Variants in LUC7L2 observed in about 807,000 individuals in gnomAD.
LUC7L2 encodes LUC7 like 2, pre-mRNA splicing factor.
In LUC7L2, 25 loss-of-function variants were observed where a neutral mutation model predicts 52.8. The observed-to-expected ratio is 0.47, with a 90% CI of 0.34 to 0.66. LUC7L2 has a LOEUF of 0.66. Ranked by LOEUF, LUC7L2 falls within the 30% of genes least tolerant of loss-of-function variation. The pLI, the probability that LUC7L2 is intolerant of heterozygous loss-of-function variation, is 0.01. For missense variants in LUC7L2, 328 were observed against 497.8 expected (o/e 0.66, Z 3.25); for synonymous variants, 144 against 160.9 (o/e 0.89, Z 0.80).
rs4028268 is a variant in LUC7L2 at position 139,386,404 on chromosome 7, A to ATTTTTTT, written c.156+10260_156+10266dup. Among the ~76,000 whole-genome samples, 14 of 131,512 alleles carry ATTTTTTT rather than the reference A, an allele frequency of 1.1e-4. 1 individual carries two copies. Among genetic ancestry groups the ATTTTTTT allele is most frequent in the African/African-American group, 3.4e-4 (11 of 31,910 alleles). The allele number at this position is 131,512 out of a possible 152,430, so 86.3% of individuals were successfully genotyped here. A position where few individuals can be genotyped will look rare whatever the true frequency, so the allele number is the denominator to read the frequency against. On this transcript the variant is annotated intron_variant, in intron 2 of 9. Coordinates refer to ENST00000354926, the MANE Select transcript of LUC7L2 (RefSeq NM_016019.5). ...GAAATATTTTTCTCTGTCACTGGAA[A>ATTTTTTT]TTTTTTTTTTTTTTTTTTGAGATGG... is the stretch of plus-strand genomic sequence containing the variant.
At chr7:139,370,808 C>T (rs1347892237) in intron 1 of LUC7L2, among the ~76,000 whole-genome samples, 1 of 152,114 alleles carries the variant, frequency 6.6e-6, no homozygotes, top group Non-Finnish European at 1.5e-5. Flanking sequence ...CTGGACTAGA[C>T]TAGAAATTGG....
intron 8 of LUC7L2, among the ~76,000 whole-genome samples, chr7:139,415,164 A>T (rs1437205876): frequency 6.8e-6 from 1 of 146,478 alleles, no homozygotes; most frequent in Non-Finnish European, 1.5e-5. Flanking sequence ...CGCCTGCCTC[A>T]GCCTTCCAAA....
chr7:139,386,724 CAT>C (rs1432610664), intron 2 of LUC7L2, among the ~76,000 whole-genome samples: 3 of 151,052 alleles, frequency 2.0e-5, no homozygotes, highest in East Asian at 2.0e-4. Context: ...TATTTTTTAA[CAT>C]GTGATGAGTT....
chr7:139,356,007 G>A (rs1046577819), upstream of LUC7L2, among the ~76,000 whole-genome samples: 2 of 152,136 alleles, frequency 1.3e-5, no homozygotes, highest in African/African-American at 4.8e-5. Flanking sequence ...TAGAATGTAT[G>A]TGCCCAAAGA....
chr7:139,350,409 CTG>C (rs1298434934), intron 1 of LUC7L2, among the ~76,000 whole-genome samples: 30 of 152,256 alleles, frequency 2.0e-4, no homozygotes, highest in African/African-American at 6.7e-4. Context: ...GTGTGAGCCA[CTG>C]CACCCAGCCA....
At chr7:139,402,700 T>A (rs1009527965) in intron 4 of LUC7L2, among the ~76,000 whole-genome samples, 24 of 152,166 alleles carry the variant, frequency 1.6e-4, no homozygotes, top group African/African-American at 5.8e-4. Context: ...TTTTTTTTAT[T>A]TTTAGCAGAG....
intron 1 of LUC7L2, among the ~76,000 whole-genome samples, chr7:139,367,619 T>C (rs1170943053): frequency 1.3e-5 from 2 of 152,228 alleles, no homozygotes; most frequent in Admixed American, 6.5e-5. Context: ...TCTCATACTT[T>C]GGAAATTACT....
At chr7:139,375,140 AAG>A (rs1800642636) in intron 1 of LUC7L2, 1 of 983,590 alleles carries the variant, frequency 1.0e-6, no homozygotes, top group African/African-American at 1.7e-5. Context: ...TGTTTTTCCA[AAG>A]AGATTCTAAG....
chr7:139,393,108 A>G (rs2131262959), intron 2 of LUC7L2, among the ~76,000 whole-genome samples: 1 of 152,264 alleles, frequency 6.6e-6, no homozygotes, highest in African/African-American at 2.4e-5. Context: ...CTCTACTAAA[A>G]ATACAAAAAT....
chr7:139,341,550 A>G (rs762459972), intron 1 of LUC7L2: 3 of 1,604,204 alleles, frequency 1.9e-6, no homozygotes, highest in South Asian at 1.1e-5. Flanking sequence ...CGGGTGCTCT[A>G]CGTGCTGGGG....
chr7:139,386,238 G>A (rs1328768654), intron 2 of LUC7L2, among the ~76,000 whole-genome samples: 1 of 151,964 alleles, frequency 6.6e-6, no homozygotes, highest in Non-Finnish European at 1.5e-5. Context: ...CTGGCCTCAC[G>A]TAATCCACCT....
intron 2 of LUC7L2, among the ~76,000 whole-genome samples, chr7:139,379,318 A>G (rs1167726455): frequency 6.6e-6 from 1 of 151,792 alleles, no homozygotes; most frequent in Non-Finnish European, 1.5e-5. Flanking sequence ...CCGGGACAAC[A>G]TAGTAAGACT....
chr7:139,374,117 A>G lies in LUC7L2; in HGVS notation c.62-1945A>G, dbSNP rs35687703. Among the ~76,000 whole-genome samples the G allele has an allele frequency of 2.3e-3, 345 of 152,324 alleles. 2 individuals are homozygous for G. Among genetic ancestry groups the G allele is most frequent in the Admixed American group, 6.7e-3 (103 of 15,292 alleles). ...AGGTCCTCACCAAAGTCTTGATGAA[A>G]CATACTTTTTAAAGAAATAATTTTT... is the stretch of plus-strand genomic sequence containing the variant. On this transcript the variant is annotated intron_variant, in intron 1 of 9. Coordinates refer to ENST00000354926, the MANE Select transcript of LUC7L2 (RefSeq NM_016019.5).
chr7:139,417,879 C>T, intron 9 of LUC7L2, 150 bp downstream of exon 9: 1 of 1,149,110 alleles, frequency 8.7e-7, no homozygotes, highest in Non-Finnish European at 1.2e-6. Flanking sequence ...GGGTGTACAA[C>T]ATTTTTCTGT....
intron 4 of LUC7L2, among the ~76,000 whole-genome samples, chr7:139,404,465 T>G (rs1310631573): frequency 6.6e-6 from 1 of 152,186 alleles, no homozygotes; most frequent in Non-Finnish European, 1.5e-5. Flanking sequence ...ACTGAAATCA[T>G]GGCACTGCAC....
chr7:139,369,772 C>G (rs1415222443), intron 1 of LUC7L2, among the ~76,000 whole-genome samples: 5 of 152,150 alleles, frequency 3.3e-5, no homozygotes, highest in African/African-American at 9.7e-5. Context: ...CAGTGGGCAT[C>G]ACATTTTAAA....
chr7:139,340,855 T>C (rs539685819), intron 1 of LUC7L2, among the ~76,000 whole-genome samples: 2 of 151,334 alleles, frequency 1.3e-5, no homozygotes, highest in Non-Finnish European at 2.9e-5. Context: ...AAATGGGAAG[T>C]GTGTGTGTGT....
intron 2 of LUC7L2, among the ~76,000 whole-genome samples, chr7:139,380,191 T>C (rs1800927436): frequency 6.6e-6 from 1 of 151,846 alleles, no homozygotes; most frequent in African/African-American, 2.4e-5. Context: ...AATAAATTAA[T>C]AAATTAATCA....
intron 1 of LUC7L2, among the ~76,000 whole-genome samples, chr7:139,354,508 C>T (rs543079776): frequency 6.6e-6 from 1 of 152,280 alleles, no homozygotes; most frequent in South Asian, 2.1e-4. Flanking sequence ...ATTACAGGCA[C>T]GTGCCACCAC....
Sources: allele counts gnomAD v4.1 joint callset (sites outside exome capture counted in the v4.1 genomes callset), GRCh38; gene constraint gnomAD v4.1.1; transcripts MANE v1.5; gene names NCBI Gene and HGNC (gene_info 2026-07-23, HGNC 2026-07-21).